Variants in CNTN3 observed in about 807,000 individuals in gnomAD.
The protein encoded by CNTN3 is contactin-3.
Under a neutral mutation model 119.1 loss-of-function variants are expected in CNTN3, and 60 were observed. The ratio of observed to expected loss-of-function variants is 0.50; its 90% CI spans 0.41 to 0.62. The LOEUF is 0.62. Among genes scored for constraint, CNTN3 ranks in the 20% least tolerant of loss-of-function variants. The probability of loss-of-function intolerance (pLI) is 0.00; values close to 1 mark genes in which losing one functional copy is unlikely to be tolerated. For synonymous variants in CNTN3, 450 were observed against 438.7 expected (o/e 1.03, Z -0.32); for missense variants, 1,101 against 1,242.4 (o/e 0.89, Z 1.71).
intron 17 of CNTN3, 45 bp from the exon 18 acceptor site, chr3:74,298,236 AGGC>A (rs1305817417): frequency 7.9e-7 from 1 of 1,262,382 alleles, no homozygotes; most frequent in Non-Finnish European, 1.1e-6. Context: ...CATAAGGGCA[AGGC>A]AAAAATGAAT....
At chr3:74,608,940 AG>A (rs1180084023) in intron 1 of CNTN3, among the ~76,000 whole-genome samples, 14 of 152,328 alleles carry the variant, frequency 9.2e-5, no homozygotes, top group Non-Finnish European at 1.8e-4. Context: ...GGGACAGTCA[AG>A]GCTACCTGGA....
At chr3:74,487,651 T>A (rs530742468) in intron 3 of CNTN3, among the ~76,000 whole-genome samples, 30 of 152,196 alleles carry the variant, frequency 2.0e-4, no homozygotes, top group African/African-American at 6.0e-4. Context: ...CAGCTCAGAG[T>A]TCTTCAATGA....
chr3:74,459,932 G>A (rs1166067723), intron 4 of CNTN3, among the ~76,000 whole-genome samples: 1 of 151,900 alleles, frequency 6.6e-6, no homozygotes, highest in East Asian at 1.9e-4. Context: ...TAACATAATA[G>A]TTTACCTTTA....
At chr3:74,494,307 A>G (rs1703020499) in intron 3 of CNTN3, among the ~76,000 whole-genome samples, 1 of 152,154 alleles carries the variant, frequency 6.6e-6, no homozygotes, top group South Asian at 2.1e-4. Flanking sequence ...AAGAAAGAGA[A>G]ACAAAAAAAG....
chr3:74,455,208 AT>A (rs1007111049), intron 4 of CNTN3, among the ~76,000 whole-genome samples: 18 of 148,216 alleles, frequency 1.2e-4, no homozygotes, highest in Middle Eastern at 3.4e-3. Flanking sequence ...GTTCATTTCT[AT>A]TTTTTTTTCT....
chr3:74,417,673 C>G (rs1701546906), intron 5 of CNTN3, among the ~76,000 whole-genome samples: 1 of 152,128 alleles, frequency 6.6e-6, no homozygotes, highest in Non-Finnish European at 1.5e-5. Flanking sequence ...TCTCCATTTC[C>G]AACTACAAAA....
chr3:74,477,310 TTG>T (rs1313698378), intron 4 of CNTN3, among the ~76,000 whole-genome samples: 1 of 152,148 alleles, frequency 6.6e-6, no homozygotes, highest in African/African-American at 2.4e-5. Context: ...TGTCTGTGCC[TTG>T]AGCAATACAC....
chr3:74,416,987 T>TAA (rs71616861), intron 5 of CNTN3, among the ~76,000 whole-genome samples: 21 of 129,774 alleles, frequency 1.6e-4, no homozygotes, highest in African/African-American at 5.5e-4. Context: ...CATTCTAAAA[T>TAA]AAAAAAAAAA....
intron 1 of CNTN3, among the ~76,000 whole-genome samples, chr3:74,588,767 A>G (rs75868092): frequency 0.03 from 4,506 of 152,264 alleles, 83 homozygotes; most frequent in South Asian, 0.041. Flanking sequence ...GATACAGATC[A>G]ATGGAACAGA....
At chr3:74,612,900 C>A (rs1458583715) in intron 1 of CNTN3, among the ~76,000 whole-genome samples, 1 of 152,152 alleles carries the variant, frequency 6.6e-6, no homozygotes, top group Non-Finnish European at 1.5e-5. Flanking sequence ...CAGTGACATG[C>A]ACGTATTAGG....
chr3:74,336,289 T>C (rs142485746), intron 12 of CNTN3, among the ~76,000 whole-genome samples: 61 of 152,224 alleles, frequency 4.0e-4, no homozygotes, highest in African/African-American at 1.4e-3. Context: ...CAACATATGC[T>C]ATTTGTAACT....
chr3:74,369,410 G>A (rs1704279535), intron 7 of CNTN3, 37 bp from the exon 8 acceptor site: 2 of 1,484,706 alleles, frequency 1.3e-6, no homozygotes, highest in South Asian at 1.4e-5. Flanking sequence ...GCTATTGTCT[G>A]GAAGCCTTTT....
At chr3:74,376,730 A>G (rs750227070) in intron 5 of CNTN3, among the ~76,000 whole-genome samples, 7 of 152,256 alleles carry the variant, frequency 4.6e-5, no homozygotes, top group Middle Eastern at 3.4e-3. Flanking sequence ...TTCATCCACA[A>G]AACAGATCCC....
intron 1 of CNTN3, among the ~76,000 whole-genome samples, chr3:74,526,305 G>A (rs1237736777): frequency 6.6e-6 from 1 of 151,682 alleles, no homozygotes; most frequent in Non-Finnish European, 1.5e-5. Flanking sequence ...TTTGGGTGTT[G>A]TACTGTGAAT....
At chr3:74,290,208 T>C (rs1455925259) in intron 19 of CNTN3, among the ~76,000 whole-genome samples, 1 of 152,232 alleles carries the variant, frequency 6.6e-6, no homozygotes, top group Non-Finnish European at 1.5e-5. Flanking sequence ...TGGTATAACT[T>C]ACTACACACC....
chr3:74,321,344 TA>T (rs897619642), intron 13 of CNTN3, among the ~76,000 whole-genome samples: 2 of 151,996 alleles, frequency 1.3e-5, no homozygotes, highest in East Asian at 3.9e-4. Flanking sequence ...GGTTTTAAAT[TA>T]AAAAAAGATT....
intron 19 of CNTN3, among the ~76,000 whole-genome samples, chr3:74,285,804 T>TCCC (rs1702101868): frequency 2.2e-5 from 2 of 91,858 alleles, no homozygotes; most frequent in Admixed American, 1.9e-4. Flanking sequence ...TATATATATA[T>TCCC]ATATATATAT....
chr3:74,330,836 G>A (rs1703247321), intron 13 of CNTN3, among the ~76,000 whole-genome samples: 1 of 150,656 alleles, frequency 6.6e-6, no homozygotes. Context: ...TGACAAAAAT[G>A]TTCAAAATGA....
chr3:74,509,885 CATTATCCTATA>C (rs1204967569), intron 2 of CNTN3, among the ~76,000 whole-genome samples: 1 of 152,064 alleles, frequency 6.6e-6, no homozygotes, highest in East Asian at 1.9e-4. Flanking sequence ...ATCACAACAT[CATTATCCTATA>C]ATATATTACA....
Sources: allele counts gnomAD v4.1 joint callset (sites outside exome capture counted in the v4.1 genomes callset), GRCh38; gene constraint gnomAD v4.1.1; transcripts MANE v1.5; gene names NCBI Gene and HGNC (gene_info 2026-07-23, HGNC 2026-07-21).